NRG1: variants seen among roughly 807,000 people sequenced by gnomAD.
The protein encoded by NRG1 is pro-neuregulin-1, membrane-bound isoform.
In NRG1, 18 loss-of-function variants were observed where a neutral mutation model predicts 63.8. That is an observed-to-expected ratio of 0.28 (90% CI 0.19 to 0.42). The LOEUF (loss-of-function observed/expected upper bound fraction) is 0.42, where lower values mean the gene tolerates loss of function less well. Among genes scored for constraint, NRG1 ranks in the 10% least tolerant of loss-of-function variants. The pLI is 1.00. For synonymous variants in NRG1, 302 were observed against 301.3 expected (o/e 1.00, Z -0.02); for missense variants, 762 against 814.7 (o/e 0.94, Z 0.79).
chr8:32,553,643 T>C (rs1187567605), intron 1 of NRG1, among the ~76,000 whole-genome samples: 1 of 152,184 alleles, frequency 6.6e-6, no homozygotes, highest in African/African-American at 2.4e-5. Flanking sequence ...ACTTAAGAGT[T>C]GATGCTTAAA....
chr8:32,555,377 A>G (rs939152040), intron 1 of NRG1, among the ~76,000 whole-genome samples: 3 of 152,182 alleles, frequency 2.0e-5, no homozygotes, highest in Non-Finnish European at 4.4e-5. Flanking sequence ...TCCTCAACCC[A>G]GGGGCAACAA....
chr8:32,461,226 A>C (rs986878644), intron 1 of NRG1, among the ~76,000 whole-genome samples: 1 of 152,154 alleles, frequency 6.6e-6, no homozygotes, highest in African/African-American at 2.4e-5. Context: ...TTAGGTATAA[A>C]TAAGAAATTT....
intron 1 of NRG1, among the ~76,000 whole-genome samples, chr8:32,207,049 A>G (rs1844139985): frequency 6.6e-6 from 1 of 152,246 alleles, no homozygotes; most frequent in Non-Finnish European, 1.5e-5. Flanking sequence ...TGACCTCTTC[A>G]GTACTGTAAA....
rs575525846 is a variant in NRG1 at position 31,831,511 on chromosome 8, T to C, written c.37+192080T>C. Among the ~76,000 whole-genome samples the C allele has an allele frequency of 8.5e-5, 13 of 152,328 alleles. No homozygotes were observed. In the East Asian group the frequency reaches 2.1e-3, roughly 25 times the overall value. ...TTCAAACAGTTCTTCCTGAGACAGATGTAAAACAATTTTAAGATTTCTGAG... is the reference window on the plus strand; with the variant it reads ...TTCAAACAGTTCTTCCTGAGACAGACGTAAAACAATTTTAAGATTTCTGAG... On this transcript the variant is annotated intron_variant, in intron 1 of 10. Transcript: ENST00000519301.
chr8:32,537,907 A>G (rs1265110441), intron 1 of NRG1, among the ~76,000 whole-genome samples: 2 of 152,114 alleles, frequency 1.3e-5, no homozygotes, highest in Non-Finnish European at 2.9e-5. Context: ...GCTGGAGTGC[A>G]GGGGCGAGAT....
intron 1 of NRG1, among the ~76,000 whole-genome samples, chr8:31,743,635 C>A (rs1278740865): frequency 6.6e-6 from 1 of 151,704 alleles, no homozygotes; most frequent in Non-Finnish European, 1.5e-5. Flanking sequence ...TATTACTTGA[C>A]ACCTACTTTT....
intron 1 of NRG1, among the ~76,000 whole-genome samples, chr8:32,238,849 T>G (rs1847831245): frequency 6.6e-6 from 1 of 152,188 alleles, no homozygotes; most frequent in African/African-American, 2.4e-5. Context: ...ATCACTGAAC[T>G]TGGCAGCCAA....
intron 1 of NRG1, among the ~76,000 whole-genome samples, chr8:31,783,615 A>C (rs995869589): frequency 5.9e-5 from 9 of 151,844 alleles, no homozygotes; most frequent in African/African-American, 9.7e-5. Flanking sequence ...AAAAAAAAAA[A>C]AAACAAAAAA....
intron 1 of NRG1, among the ~76,000 whole-genome samples, chr8:32,072,473 T>G (rs1434686675): frequency 2.0e-5 from 3 of 152,128 alleles, no homozygotes; most frequent in Admixed American, 6.6e-5. Flanking sequence ...TGACTCTAAT[T>G]AAAGAAAACA....
intron 5 of NRG1, among the ~76,000 whole-genome samples, chr8:32,714,710 GT>G (rs1305493372): frequency 4.6e-5 from 7 of 152,172 alleles, no homozygotes; most frequent in African/African-American, 1.7e-4. Flanking sequence ...CAGTCACTGG[GT>G]GACAGGATGC....
intron 1 of NRG1, among the ~76,000 whole-genome samples, chr8:31,886,791 C>A (rs1830750049): frequency 6.6e-6 from 1 of 152,004 alleles, no homozygotes; most frequent in Admixed American, 6.6e-5. Flanking sequence ...AGCTACAAAG[C>A]TTCTCCAAAT....
intron 5 of NRG1, among the ~76,000 whole-genome samples, chr8:32,711,817 G>A (rs1356644780): frequency 1.3e-5 from 2 of 152,090 alleles, no homozygotes; most frequent in Admixed American, 6.6e-5. Flanking sequence ...AGTGCTCTGT[G>A]ATGTTTTACT....
intron 1 of NRG1, among the ~76,000 whole-genome samples, chr8:32,538,818 T>C (rs888912362): frequency 1.7e-4 from 26 of 152,174 alleles, no homozygotes; most frequent in African/African-American, 6.0e-4. Flanking sequence ...AAAAAGATGA[T>C]TCCTGAGGCA....
At chr8:32,362,124 G>A (rs534406741) in intron 1 of NRG1, among the ~76,000 whole-genome samples, 1 of 152,100 alleles carries the variant, frequency 6.6e-6, no homozygotes, top group Non-Finnish European at 1.5e-5. Flanking sequence ...AATTTATTAT[G>A]ACCTACAAAA....
intron 1 of NRG1, among the ~76,000 whole-genome samples, chr8:31,893,522 A>G (rs930990355): frequency 6.6e-6 from 1 of 151,624 alleles, no homozygotes; most frequent in Non-Finnish European, 1.5e-5. Flanking sequence ...TTAATCTGTC[A>G]TATGTGGTAG....
At chr8:31,995,982 C>T (rs327329) in intron 1 of NRG1, among the ~76,000 whole-genome samples, 116,217 of 151,390 alleles carry the variant, frequency 0.77, 45,439 homozygotes, top group African/African-American at 0.88. Flanking sequence ...TCATGAAAGA[C>T]GGATTTCTTT....
intron 1 of NRG1, among the ~76,000 whole-genome samples, chr8:32,355,549 A>G (rs1438691182): frequency 6.6e-6 from 1 of 152,154 alleles, no homozygotes; most frequent in Non-Finnish European, 1.5e-5. Flanking sequence ...AAAAGGTCCT[A>G]TGAAACAGGG....
intron 1 of NRG1, among the ~76,000 whole-genome samples, chr8:31,842,602 C>T (rs1011051937): frequency 1.3e-5 from 2 of 152,136 alleles, no homozygotes; most frequent in Admixed American, 6.6e-5. Flanking sequence ...CTCCTTCCTG[C>T]ACTTTTATCA....
intron 1 of NRG1, among the ~76,000 whole-genome samples, chr8:31,818,761 T>G (rs1823697667): frequency 6.6e-6 from 1 of 152,110 alleles, no homozygotes; most frequent in Non-Finnish European, 1.5e-5. Flanking sequence ...GTGTTCCACA[T>G]GTTATAAAAA....
Sources: gnomAD v4.1 joint callset for allele counts (sites outside exome capture counted in the v4.1 genomes callset) on GRCh38, gnomAD v4.1.1 for gene constraint, MANE v1.5 for transcripts, NCBI Gene and HGNC (gene_info 2026-07-23, HGNC 2026-07-21) for gene names.